The following SLC24A3 variants were observed in gnomAD, a reference collection of about 807,000 sequenced individuals.
SLC24A3 encodes the protein solute carrier family 24 member 3.
In SLC24A3, 28 loss-of-function variants were observed where a neutral mutation model predicts 75.8. That is an observed-to-expected ratio of 0.37 (90% CI 0.27 to 0.51). The LOEUF is 0.51. SLC24A3 is among the 20% of genes least tolerant of loss of function. The pLI, the probability that SLC24A3 is intolerant of heterozygous loss-of-function variation, is 0.94. For synonymous variants in SLC24A3, 372 were observed against 334.1 expected, an observed-to-expected ratio of 1.11 and a Z score of -1.24; for missense variants, 663 against 847.8, an observed-to-expected ratio of 0.78 and a Z score of 2.71.
At chr20:19,661,619 A>G (rs3790282) in intron 7 of SLC24A3, among the ~76,000 whole-genome samples, 3,918 of 152,214 alleles carry the variant, frequency 0.026, 60 homozygotes, top group South Asian at 0.068. Context: ...TTCTCCCATT[A>G]TTTTCACTGC....
chr20:19,702,265 T>C (rs1535253), intron 15 of SLC24A3, among the ~76,000 whole-genome samples: 108,706 of 152,136 alleles, frequency 0.71, 39,331 homozygotes, highest in East Asian at 0.95. Context: ...GCTATGAAAG[T>C]ATACTCTTTC....
intron 2 of SLC24A3, among the ~76,000 whole-genome samples, chr20:19,482,936 G>A (rs1184797573): frequency 1.3e-5 from 2 of 152,136 alleles, no homozygotes; most frequent in African/African-American, 4.8e-5. Context: ...TTAGCAGATG[G>A]GAAGGTGGTG....
rs375873793 is a variant in SLC24A3 at position 19,696,808 on chromosome 20, T to C, written c.1503T>C (p.Ile501=). ...SYMMVWMVTI[I]GYTLGIPDVI... ...CCTGCTCCTTCTAGGTCACAATCAT[T>C]GGTTACACCCTGGGGATTCCTGACG... Residue 501 remains isoleucine (I), a synonymous_variant, in exon 14 of 17, where the codon ATT becomes ATC. Transcript: ENST00000328041. 28 of 1,613,886 alleles carry C rather than the reference T, an allele frequency of 1.7e-5. No individual in the cohort carries two copies. The highest frequency in any genetic ancestry group is 2.2e-5 in the Non-Finnish European group (26 of 1,179,836).
chr20:19,425,916 A>G (rs1449285690), intron 2 of SLC24A3, among the ~76,000 whole-genome samples: 2 of 152,112 alleles, frequency 1.3e-5, no homozygotes, highest in Non-Finnish European at 2.9e-5. Context: ...AGTTTTGCGC[A>G]CTTCCAGGCT....
intron 15 of SLC24A3, among the ~76,000 whole-genome samples, chr20:19,703,733 C>T (rs915760424): frequency 6.6e-6 from 1 of 152,188 alleles, no homozygotes; most frequent in Non-Finnish European, 1.5e-5. Context: ...CTTGTACAGA[C>T]TATGCTTCTT....
In SLC24A3 at chr20:19,515,526, G is replaced by T; in HGVS notation, c.310G>T (p.Asp104Tyr). The stretch of plus-strand genomic sequence containing the variant: ...CCCCAATGACATCTTCACAAACGAG[G>T]ATAGAAGACAAGGTGCGGTGGTCCT... ...EFPNDIFTNE[D>Y]RRQGAVVLHV... The change falls in exon 3 of 17, where the codon GAT (aspartate) becomes TAT (tyrosine). Residue 104 changes from aspartate to tyrosine, a missense_variant. By Grantham distance (160) the Asp-to-Tyr change is radical. Coordinates refer to ENST00000328041, the MANE Select transcript of SLC24A3 (RefSeq NM_020689.4). 1 of 1,614,166 alleles carries T rather than the reference G, an allele frequency of 6.2e-7. No homozygotes were observed. Among genetic ancestry groups the T allele is most frequent in the South Asian group, 1.1e-5 (1 of 91,072 alleles).
At chr20:19,271,194 G>A (rs1184219009) in intron 1 of SLC24A3, among the ~76,000 whole-genome samples, 1 of 152,202 alleles carries the variant, frequency 6.6e-6, no homozygotes, top group Non-Finnish European at 1.5e-5. Flanking sequence ...AGGATGCTGG[G>A]ACTTGATTTT....
intron 1 of SLC24A3, among the ~76,000 whole-genome samples, chr20:19,235,890 T>G (rs1404659922): frequency 6.6e-6 from 1 of 152,214 alleles, no homozygotes; most frequent in East Asian, 1.9e-4. Context: ...GTCTGTAGTC[T>G]TCAAGGTCAA....
At chr20:19,620,128 T>C (rs1242393388) in intron 6 of SLC24A3, among the ~76,000 whole-genome samples, 1 of 152,196 alleles carries the variant, frequency 6.6e-6, no homozygotes, top group Non-Finnish European at 1.5e-5. Flanking sequence ...TCAGTCTATC[T>C]AGCCTGAGGG....
intron 6 of SLC24A3, among the ~76,000 whole-genome samples, chr20:19,641,546 A>G (rs1227314684): frequency 1.3e-5 from 2 of 152,200 alleles, no homozygotes. Context: ...TCTCATCCAC[A>G]CGGATGGGGC....
intron 3 of SLC24A3, among the ~76,000 whole-genome samples, chr20:19,564,518 G>A (rs2030925359): frequency 6.6e-6 from 1 of 152,036 alleles, no homozygotes; most frequent in South Asian, 2.1e-4. Context: ...CACCACTACT[G>A]TCAAAACCTC....
intron 2 of SLC24A3, among the ~76,000 whole-genome samples, chr20:19,309,237 T>G (rs1304845944): frequency 3.9e-5 from 6 of 152,186 alleles, no homozygotes; most frequent in Non-Finnish European, 7.4e-5. Context: ...TGAAATCCAG[T>G]TCCTCTCATT....
At chr20:19,297,833 G>C (rs1013130637) in intron 2 of SLC24A3, among the ~76,000 whole-genome samples, 2 of 152,190 alleles carry the variant, frequency 1.3e-5, no homozygotes, top group African/African-American at 4.8e-5. Flanking sequence ...AACTTAACAA[G>C]GGCCAGTTAT....
chr20:19,593,572 A>G lies in SLC24A3; in HGVS notation c.612+8028A>G, dbSNP rs567448252. ...AAAGACATTGTTGAGAAAAGAGGAA[A>G]CCAAGGCTCAGAGAGGCTGAGTACT... On this transcript the variant is annotated intron_variant, in intron 6 of 16. Transcript: ENST00000328041. Among the ~76,000 whole-genome samples, 490 of 152,344 alleles carry G rather than the reference A, an allele frequency of 3.2e-3. 6 individuals are homozygous for G. Among genetic ancestry groups the G allele is most frequent in the Non-Finnish European group, 5.7e-3 (385 of 68,036 alleles).
chr20:19,640,200 T>C (rs1054246681), intron 6 of SLC24A3, among the ~76,000 whole-genome samples: 5 of 152,232 alleles, frequency 3.3e-5, no homozygotes, highest in Non-Finnish European at 5.9e-5. Flanking sequence ...CACCTCTCAG[T>C]AGCGGTAATG....
intron 6 of SLC24A3, among the ~76,000 whole-genome samples, chr20:19,586,074 C>T (rs1354536973): frequency 6.6e-6 from 1 of 152,154 alleles, no homozygotes; most frequent in Admixed American, 6.5e-5. Context: ...CTTAGCAAGC[C>T]TGCAGTTTAC....
intron 2 of SLC24A3, among the ~76,000 whole-genome samples, chr20:19,393,865 A>G (rs1431736420): frequency 1.3e-5 from 2 of 152,222 alleles, no homozygotes; most frequent in East Asian, 3.8e-4. Context: ...AATCCACCCT[A>G]AAATTCATAT....
chr20:19,560,850 C>T (rs905153581), intron 3 of SLC24A3, among the ~76,000 whole-genome samples: 1 of 152,150 alleles, frequency 6.6e-6, no homozygotes, highest in South Asian at 2.1e-4. Flanking sequence ...AAGGGTAATT[C>T]TTTGTCAGTC....
intron 2 of SLC24A3, among the ~76,000 whole-genome samples, chr20:19,376,189 C>A (rs1294734604): frequency 6.6e-6 from 1 of 152,140 alleles, no homozygotes; most frequent in Non-Finnish European, 1.5e-5. Flanking sequence ...ACATTGTGTA[C>A]CCCAATTAAT....
Sources: gnomAD v4.1 joint callset for allele counts (sites outside exome capture counted in the v4.1 genomes callset) on GRCh38, gnomAD v4.1.1 for gene constraint, MANE v1.5 for transcripts, NCBI Gene and HGNC (gene_info 2026-07-23, HGNC 2026-07-21) for gene names.